Variants in ZNF107 observed in about 807,000 individuals in gnomAD.
The protein encoded by ZNF107 is zinc finger protein 107.
In ZNF107, 19 loss-of-function variants were observed where a neutral mutation model predicts 12.3. The observed-to-expected ratio is 1.55, with a 90% CI of 1.08 to 2.27. ZNF107 has a LOEUF of 2.27. Ranked by LOEUF, ZNF107 falls within the 30% of genes most tolerant of loss-of-function variation. The pLI is 0.00. For missense variants in ZNF107, 958 were observed against 979.9 expected (o/e 0.98, Z 0.30); for synonymous variants, 317 against 330.5 (o/e 0.96, Z 0.44).
intron 3 of ZNF107, among the ~76,000 whole-genome samples, chr7:64,705,419 T>C (rs1397819461): frequency 1.3e-5 from 2 of 152,138 alleles, no homozygotes; most frequent in Admixed American, 6.5e-5. Flanking sequence ...TGGAGTGTTA[T>C]TCAATTTACT....
Position 64,708,633 on chromosome 7 carries a change from A to G in ZNF107, c.2536A>G (p.Lys846Glu). The G allele has an allele frequency of 6.3e-7, 1 of 1,587,204 alleles. No homozygotes were observed. The highest frequency in any genetic ancestry group is 8.6e-7 in the Non-Finnish European group (1 of 1,166,866). Residue 846 changes from lysine to glutamate, a missense_variant, in exon 4 of 4, where the codon AAA (lysine) becomes GAA (glutamate). Physicochemically the swap from Lys to Glu is moderately conservative, Grantham distance 56. Transcript: ENST00000620827. ...AATTCATACTGGAGAGAAACCCTAC[A>G]AATGTGAGTATGGCAAAACTTAATT... is the stretch of plus-strand genomic sequence containing the variant. Reference protein sequence around the residue: ...KKIHTGEKPYKCEYGKT With the variant: ...KKIHTGEKPYECEYGKT
At chr7:64,681,893 C>T (rs905602411) in intron 1 of ZNF107, among the ~76,000 whole-genome samples, 4 of 152,064 alleles carry the variant, frequency 2.6e-5, no homozygotes, top group East Asian at 1.9e-4. Context: ...CCTATTATTC[C>T]GTTCTCAGCC....
intron 3 of ZNF107, among the ~76,000 whole-genome samples, chr7:64,701,724 ATCT>A (rs1417399357): frequency 8.6e-5 from 13 of 152,046 alleles, no homozygotes; most frequent in South Asian, 6.2e-4. Flanking sequence ...AACTCAGATA[ATCT>A]TCTTATTTCA....
At chr7:64,687,543 C>T (rs1350691491) in intron 1 of ZNF107, 12 of 985,374 alleles carry the variant, frequency 1.2e-5, no homozygotes, top group South Asian at 9.4e-5. Context: ...TACCAGGAGA[C>T]GGCAAGCAGG....
chr7:64,678,519 A>G lies in ZNF107; in HGVS notation c.3+12234A>G, dbSNP rs548906782. Among the ~76,000 whole-genome samples, 8 of 152,318 alleles carry G rather than the reference A, an allele frequency of 5.3e-5. No homozygotes were observed. In the South Asian group the frequency reaches 1.2e-3, roughly 24 times the overall value. On this transcript the variant is annotated intron_variant, in intron 1 of 3. Transcript: ENST00000620827. ...TCAATTGAACAGTATTTTCTACACTAGTATAAATGTAAGGCCACAATATTT... is the reference window on the plus strand; with the variant it reads ...TCAATTGAACAGTATTTTCTACACTGGTATAAATGTAAGGCCACAATATTT...
chr7:64,686,476 A>G (rs1789916445), intron 1 of ZNF107: 14 of 983,376 alleles, frequency 1.4e-5, no homozygotes, highest in Non-Finnish European at 1.7e-5. Flanking sequence ...TTAGGAGTCC[A>G]TGCCGCCCCA....
At chr7:64,691,225 G>A (rs1221030235) in intron 1 of ZNF107, 23 bp from the exon 2 acceptor site, 38 of 1,443,980 alleles carry the variant, frequency 2.6e-5, no homozygotes, top group African/African-American at 4.4e-5. Context: ...CTTGGTAAAT[G>A]TGTGTGTGTT....
rs1790879942 is a variant in ZNF107 at position 64,711,333 on chromosome 7, C to G, written c.*2677C>G. On this transcript the variant is annotated 3_prime_UTR_variant, in exon 4 of 4. Coordinates refer to ENST00000620827, the MANE Select transcript of ZNF107 (RefSeq NM_001282359.2). Reference sequence around the variant, plus strand: ...TTGTGGATACATAGTATGTGTATATCTTTATGCCATGTATGGCATATTTTG... The same window carrying G: ...TTGTGGATACATAGTATGTGTATATGTTTATGCCATGTATGGCATATTTTG... 1 of 152,082 alleles carries G rather than the reference C, an allele frequency of 6.6e-6. No homozygotes were observed. Among genetic ancestry groups the G allele is most frequent in the East Asian group, 1.9e-4 (1 of 5,188 alleles). 9.4% of individuals were successfully genotyped at this position (152,082 alleles called of 1,614,324 possible).
chr7:64,675,774 C>T (rs1333938364), intron 1 of ZNF107, among the ~76,000 whole-genome samples: 1 of 152,132 alleles, frequency 6.6e-6, no homozygotes, highest in African/African-American at 2.4e-5. Flanking sequence ...AGCTGTGTTG[C>T]AGTACTTTGT....
chr7:64,688,460 G>T (rs1411817620), intron 1 of ZNF107, among the ~76,000 whole-genome samples: 2 of 151,934 alleles, frequency 1.3e-5, no homozygotes, highest in African/African-American at 2.4e-5. Flanking sequence ...GTTTCACCAT[G>T]TTGGCCAGGC....
At chr7:64,706,141 C>G (rs775329308) in intron 3 of ZNF107, among the ~76,000 whole-genome samples, 183 bp from the exon 4 acceptor site, 6 of 152,046 alleles carry the variant, frequency 3.9e-5, no homozygotes, top group Non-Finnish European at 7.4e-5. Context: ...TATAAATTTT[C>G]CACAAATGTA....
chr7:64,702,007 T>C (rs186889503), intron 3 of ZNF107, among the ~76,000 whole-genome samples: 9 of 152,304 alleles, frequency 5.9e-5, no homozygotes. Flanking sequence ...CCTGTAGATG[T>C]TTTTTCTTCT....
At chr7:64,669,775 G>A (rs538343635) in intron 1 of ZNF107, among the ~76,000 whole-genome samples, 7 of 152,168 alleles carry the variant, frequency 4.6e-5, no homozygotes, top group East Asian at 3.9e-4. Context: ...GCAACAGAGC[G>A]AGACTCTGTC....
intron 3 of ZNF107, among the ~76,000 whole-genome samples, chr7:64,695,248 A>G (rs149499959): frequency 6.6e-6 from 1 of 152,110 alleles, no homozygotes; most frequent in Admixed American, 6.5e-5. Context: ...TTCCTTTTAA[A>G]TACTCATTTA....
rs75454379 is a variant in ZNF107, at chr7:64,694,327, G to T, written c.226+2367G>T. 8.7e-3 allele frequency among the ~76,000 whole-genome samples: 1,321 copies of T among 152,248 alleles called. 15 individuals are homozygous for T. Among genetic ancestry groups the T allele is most frequent in the African/African-American group, 0.03 (1,250 of 41,544 alleles). The stretch of plus-strand genomic sequence containing the variant: ...GAATTAGTGGGACCAAGTTGGGAGG[G>T]CCATTTCCTGGTCTGTAGCCAAGTA... On this transcript the variant is annotated intron_variant, in intron 3 of 3. Coordinates refer to ENST00000620827, the MANE Select transcript of ZNF107 (RefSeq NM_001282359.2).
At position 64,709,643 on chromosome 7, in the gene ZNF107, A is replaced by G. The variant is rs949833260; in HGVS notation, c.*987A>G. 11 of 445,960 alleles carry G rather than the reference A, an allele frequency of 2.5e-5. No homozygotes were observed. Among genetic ancestry groups the G allele is most frequent in the Admixed American group, 5.1e-5 (2 of 39,094 alleles). 27.6% of individuals were successfully genotyped at this position (445,960 alleles called of 1,614,324 possible). ...TGTAAAAAATGTGGCAACACTTTTA[A>G]TAAATGCTCACCCCTTATTGCACAG... On this transcript the variant is annotated 3_prime_UTR_variant, in exon 4 of 4. Transcript: ENST00000620827.
intron 3 of ZNF107, among the ~76,000 whole-genome samples, chr7:64,704,404 CCTGT>C (rs1289415197): frequency 6.6e-6 from 1 of 152,102 alleles, no homozygotes; most frequent in Non-Finnish European, 1.5e-5. Context: ...CACCACCACA[CCTGT>C]CTAATTTTTG....
At position 64,708,245 on chromosome 7, in the gene ZNF107, C is replaced by G. The variant is rs1356917245; in HGVS notation, c.2148C>G (p.Cys716Trp). ...QCAECGKAFN[C>W]SSTLNRHKII... ...CAGAATGTGGCAAAGCCTTTAACTGCTCCTCAACCCTTAATAGACATAAGA... is the reference window on the plus strand; with the variant it reads ...CAGAATGTGGCAAAGCCTTTAACTGGTCCTCAACCCTTAATAGACATAAGA... Residue 716 changes from cysteine (C) to tryptophan (W), a missense_variant, in exon 4 of 4, where the codon TGC becomes TGG. By Grantham distance (215) the Cys-to-Trp change is radical. Transcript: ENST00000620827. 6.2e-7 allele frequency: 1 copy of G among 1,612,930 alleles called. No individual in the cohort carries two copies. Among genetic ancestry groups the G allele is most frequent in the East Asian group, 2.2e-5 (1 of 44,778 alleles).
chr7:64,706,378 C>G lies in ZNF107; in HGVS notation c.281C>G (p.Ser94Cys). 5 of 1,609,398 alleles carry G rather than the reference C, an allele frequency of 3.1e-6. No individual in the cohort carries two copies. The highest frequency in any genetic ancestry group is 4.2e-6 in the Non-Finnish European group (5 of 1,177,440). The stretch of plus-strand genomic sequence containing the variant: ...TGGCCAGAGCAGAACATAAAAGATT[C>G]TTTCCAGAAAGTGACACTGAGAAGA... ...DLWPEQNIKDSFQKVTLRRYG... is the reference protein window; with the variant it reads ...DLWPEQNIKDCFQKVTLRRYG... Residue 94 changes from serine to cysteine, a missense_variant, in exon 4 of 4, where the codon TCT (serine) becomes TGT (cysteine). Transcript: ENST00000620827.
Sources: gnomAD v4.1 joint callset for allele counts (sites outside exome capture counted in the v4.1 genomes callset) on GRCh38, gnomAD v4.1.1 for gene constraint, MANE v1.5 for transcripts, NCBI Gene and HGNC (gene_info 2026-07-23, HGNC 2026-07-21) for gene names.